The following ADGRL2 variants were observed in gnomAD, a reference collection of about 807,000 sequenced individuals.
The protein encoded by ADGRL2 is calcium-independent alpha-latrotoxin receptor 2.
In ADGRL2, 44 loss-of-function variants were observed where a neutral mutation model predicts 157.4. The ratio of observed to expected loss-of-function variants is 0.28; its 90% CI spans 0.22 to 0.36. The LOEUF is 0.36. ADGRL2 is among the 10% of genes least tolerant of loss of function. The pLI is 1.00. For missense variants in ADGRL2, 1,510 were observed against 1,768.9 expected (o/e 0.85, Z 2.63); for synonymous variants, 585 against 624.7 (o/e 0.94, Z 0.95).
chr1:81,406,787 C>T lies in ADGRL2; in HGVS notation c.-301-38249C>T, dbSNP rs567735658. Among the ~76,000 whole-genome samples the T allele has an allele frequency of 3.3e-5, 5 of 152,232 alleles. No homozygotes were observed. The South Asian group carries it at 6.2e-4, about 19-fold the overall frequency. On this transcript the variant is annotated intron_variant, in intron 1 of 24. Transcript: ENST00000370721. The stretch of plus-strand genomic sequence containing the variant: ...CACAACTCTGCTCCCCAATCAGCAA[C>T]ATCTGCGATATGAAAAGGGGACTCT...
intron 2 of ADGRL2, among the ~76,000 whole-genome samples, chr1:81,865,996 GT>G (rs1255450726): frequency 6.6e-6 from 1 of 152,138 alleles, no homozygotes; most frequent in African/African-American, 2.4e-5. Context: ...AGCTAAAAAT[GT>G]TTTGGTAACT....
At chr1:81,717,234 T>C (rs2084148164) in intron 1 of ADGRL2, among the ~76,000 whole-genome samples, 1 of 152,170 alleles carries the variant, frequency 6.6e-6, no homozygotes, top group South Asian at 2.1e-4. Flanking sequence ...TTCTAGAGTG[T>C]AAAAGTCATG....
At chr1:81,364,339 A>G (rs1164962905) in intron 1 of ADGRL2, among the ~76,000 whole-genome samples, 3 of 152,274 alleles carry the variant, frequency 2.0e-5, no homozygotes, top group Admixed American at 2.0e-4. Flanking sequence ...ATTTTCTGCA[A>G]TTAAAATTTC....
chr1:81,950,858 A>C (rs1442755237), intron 7 of ADGRL2, among the ~76,000 whole-genome samples, 160 bp from the exon 8 acceptor site: 2 of 152,216 alleles, frequency 1.3e-5, no homozygotes, highest in African/African-American at 2.4e-5. Flanking sequence ...TTTACCATTT[A>C]TAATCTGCAT....
intron 1 of ADGRL2, among the ~76,000 whole-genome samples, chr1:81,804,117 A>G (rs887982850): frequency 6.6e-6 from 1 of 152,180 alleles, no homozygotes; most frequent in African/African-American, 2.4e-5. Flanking sequence ...TTTTGACCTA[A>G]CTAAGGGTAC....
chr1:81,838,746 G>A (rs1431024804), intron 2 of ADGRL2, among the ~76,000 whole-genome samples: 1 of 152,008 alleles, frequency 6.6e-6, no homozygotes, highest in East Asian at 1.9e-4. Flanking sequence ...TTAACTCAGT[G>A]GGGGGCTAGC....
At chr1:81,839,910 C>G in intron 2 of ADGRL2, among the ~76,000 whole-genome samples, 1 of 134,996 alleles carries the variant, frequency 7.4e-6, no homozygotes, top group African/African-American at 2.8e-5. Flanking sequence ...TATATATTTT[C>G]CATCATATAT....
At chr1:81,824,485 G>T (rs1245266819) in intron 1 of ADGRL2, among the ~76,000 whole-genome samples, 1 of 151,688 alleles carries the variant, frequency 6.6e-6, no homozygotes, top group East Asian at 2.0e-4. Context: ...AATTTGCCTA[G>T]ACTGAACTTG....
chr1:81,522,827 T>C (rs1009761850), intron 2 of ADGRL2, among the ~76,000 whole-genome samples: 6 of 152,214 alleles, frequency 3.9e-5, no homozygotes, highest in African/African-American at 1.4e-4. Flanking sequence ...TCCAGTCCAA[T>C]AAATTGAGTA....
chr1:81,942,493 C>G (rs565775060), intron 5 of ADGRL2, among the ~76,000 whole-genome samples: 16 of 151,968 alleles, frequency 1.1e-4, no homozygotes, highest in Admixed American at 2.0e-4. Flanking sequence ...TGTTTTCAGT[C>G]TAACTTATGT....
rs550859442 is a variant in ADGRL2 at position 81,532,229 on chromosome 1, C to T, written c.-247-48647C>T. ...AGTACTTAGCACAACGATAATTCTACTCATTTTTCATGTTCAAAATATTAT... is the reference window on the plus strand; with the variant it reads ...AGTACTTAGCACAACGATAATTCTATTCATTTTTCATGTTCAAAATATTAT... On this transcript the variant is annotated intron_variant, in intron 2 of 24. Transcript: ENST00000370721. Among the ~76,000 whole-genome samples the T allele has an allele frequency of 6.6e-5, 10 of 152,246 alleles. No individual in the cohort carries two copies. The South Asian group carries it at 1.2e-3, about 19-fold the overall frequency.
chr1:81,665,766 A>T (rs1319834632), intron 3 of ADGRL2, among the ~76,000 whole-genome samples: 1 of 152,138 alleles, frequency 6.6e-6, no homozygotes, highest in African/African-American at 2.4e-5. Context: ...CATTTCTAGG[A>T]TACTATGACT....
intron 3 of ADGRL2, among the ~76,000 whole-genome samples, chr1:81,606,151 C>CT (rs900580871): frequency 1.3e-5 from 2 of 152,178 alleles, no homozygotes; most frequent in African/African-American, 2.4e-5. Flanking sequence ...GCTCAAGCAG[C>CT]TTTTTTTAGA....
intron 19 of ADGRL2, chr1:81,984,241 G>A (rs1662471980): frequency 6.3e-6 from 1 of 157,750 alleles, no homozygotes; most frequent in Non-Finnish European, 1.4e-5. Flanking sequence ...TGTTTTCTTA[G>A]CATAAAAAAT....
intron 2 of ADGRL2, among the ~76,000 whole-genome samples, chr1:81,471,861 C>T (rs1212752123): frequency 6.6e-6 from 1 of 152,092 alleles, no homozygotes; most frequent in Non-Finnish European, 1.5e-5. Flanking sequence ...GAAGAAATAA[C>T]CTAGGATGTT....
chr1:81,630,273 G>A (rs952938306), intron 3 of ADGRL2, among the ~76,000 whole-genome samples: 1 of 152,066 alleles, frequency 6.6e-6, no homozygotes, highest in African/African-American at 2.4e-5. Flanking sequence ...GCCTTCTCCA[G>A]GAAAGGCAGC....
At chr1:81,695,179 T>A (rs2083417926), upstream of ADGRL2, among the ~76,000 whole-genome samples, 1 of 152,018 alleles carries the variant, frequency 6.6e-6, no homozygotes, top group African/African-American at 2.4e-5. Flanking sequence ...CTCGACAGTC[T>A]CTTGATAACA....
At chr1:81,720,311 G>A (rs2084263728) in intron 1 of ADGRL2, among the ~76,000 whole-genome samples, 1 of 151,584 alleles carries the variant, frequency 6.6e-6, no homozygotes, top group African/African-American at 2.4e-5. Context: ...CGAGTAGCTG[G>A]ATTACAGGCC....
chr1:81,951,722 G>A (rs780628628), intron 8 of ADGRL2, among the ~76,000 whole-genome samples: 2 of 151,978 alleles, frequency 1.3e-5, no homozygotes, highest in Non-Finnish European at 2.9e-5. Flanking sequence ...TTTGAGAAAG[G>A]ATTTTTTTTC....
Sources: allele counts gnomAD v4.1 joint callset (sites outside exome capture counted in the v4.1 genomes callset), GRCh38; gene constraint gnomAD v4.1.1; transcripts MANE v1.5; gene names NCBI Gene and HGNC (gene_info 2026-07-23, HGNC 2026-07-21).